The following NELL1 variants were observed in gnomAD, a reference collection of about 807,000 sequenced individuals.
The protein encoded by NELL1 is neural EGFL like 1.
Under a neutral mutation model 107.4 loss-of-function variants are expected in NELL1, and 76 were observed. That is an observed-to-expected ratio of 0.71 (90% confidence interval 0.59 to 0.86). The LOEUF (loss-of-function observed/expected upper bound fraction) is 0.86, where lower values mean the gene tolerates loss of function less well. NELL1 is among the 40% of genes least tolerant of loss of function. The pLI, the probability that NELL1 is intolerant of heterozygous loss-of-function variation, is 0.00. For missense variants in NELL1, 1,024 were observed against 1,005.5 expected, an observed-to-expected ratio of 1.02 and a Z score of -0.25; for synonymous variants, 353 against 341.2, an observed-to-expected ratio of 1.03 and a Z score of -0.38.
At chr11:20,948,914 A>G (rs1189755134) in intron 11 of NELL1, among the ~76,000 whole-genome samples, 1 of 152,162 alleles carries the variant, frequency 6.6e-6, no homozygotes, top group African/African-American at 2.4e-5. Flanking sequence ...AGGTCCCTGC[A>G]GCATAGCAAT....
intron 12 of NELL1, among the ~76,000 whole-genome samples, chr11:21,005,072 A>G (rs1852301043): frequency 6.6e-6 from 1 of 152,182 alleles, no homozygotes; most frequent in Non-Finnish European, 1.5e-5. Flanking sequence ...TGTTTTAGCT[A>G]TAGCCCTGAA....
chr11:21,324,666 G>A (rs1850089236), intron 14 of NELL1, among the ~76,000 whole-genome samples: 1 of 152,000 alleles, frequency 6.6e-6, no homozygotes, highest in South Asian at 2.1e-4. Context: ...CTGCTCTCAA[G>A]CACCTTACCG....
chr11:20,782,312 G>T (rs556174620), intron 2 of NELL1, among the ~76,000 whole-genome samples: 3 of 152,160 alleles, frequency 2.0e-5, no homozygotes, highest in Non-Finnish European at 4.4e-5. Flanking sequence ...CTGGTAGACT[G>T]GTCTGCCTGG....
intron 14 of NELL1, among the ~76,000 whole-genome samples, chr11:21,241,129 G>C (rs953482313): frequency 6.6e-6 from 1 of 152,212 alleles, no homozygotes; most frequent in Non-Finnish European, 1.5e-5. Flanking sequence ...CAAGCAATCA[G>C]AATAAGATTG....
At position 21,100,411 on chromosome 11, in the gene NELL1, C is replaced by T. The variant is rs570845398; in HGVS notation, c.1301-13178C>T. Among the ~76,000 whole-genome samples the T allele has an allele frequency of 6.5e-4, 99 of 152,288 alleles. 1 individual carries two copies. Among genetic ancestry groups the T allele is most frequent in the African/African-American group, 2.3e-3 (96 of 41,564 alleles). ...ATCGCTATTTTCAAAGCTTTTTTAT[C>T]ACTGGATACAGAAACTCTGTGCTCA... On this transcript the variant is annotated intron_variant, in intron 12 of 19. Transcript: ENST00000357134.
At chr11:21,104,331 A>C (rs1017409172) in intron 12 of NELL1, among the ~76,000 whole-genome samples, 1 of 152,216 alleles carries the variant, frequency 6.6e-6, no homozygotes, top group South Asian at 2.1e-4. Context: ...GGTTGGGAAG[A>C]AAGTCATGGG....
intron 12 of NELL1, among the ~76,000 whole-genome samples, chr11:21,051,430 C>T (rs548516259): frequency 6.6e-5 from 10 of 151,778 alleles, no homozygotes; most frequent in Non-Finnish European, 1.5e-4. Context: ...ACATTGGGTA[C>T]GTGTACACTG....
intron 12 of NELL1, among the ~76,000 whole-genome samples, chr11:20,986,855 A>G (rs1851863644): frequency 6.6e-6 from 1 of 152,176 alleles, no homozygotes. Flanking sequence ...TGCAGTTATC[A>G]CCAGGTCGCT....
At chr11:21,414,809 G>C (rs115173310) in intron 15 of NELL1, among the ~76,000 whole-genome samples, 1 of 151,932 alleles carries the variant, frequency 6.6e-6, no homozygotes, top group African/African-American at 2.4e-5. Context: ...AGATAATCCC[G>C]GAATAGTTTC....
rs1284627951 is a variant in NELL1, at chr11:21,534,418, T to G, written c.1690T>G (p.Ser564Ala). Residue 564 changes from serine (S) to alanine (A), a missense_variant, in exon 16 of 20, where the codon TCC (serine) becomes GCC (alanine). Physicochemically the swap from Ser to Ala is moderately conservative, Grantham distance 99. Coordinates refer to ENST00000357134, the MANE Select transcript of NELL1 (RefSeq NM_006157.5). ...SEGIIECHNHSRCVNLPGWYH... is the reference protein window; with the variant it reads ...SEGIIECHNHARCVNLPGWYH... Reference sequence around the variant, plus strand: ...GGGAATCATTGAGTGCCACAACCATTCCCGCTGCGTTAACCTGCCAGGGTG... The same window carrying G: ...GGGAATCATTGAGTGCCACAACCATGCCCGCTGCGTTAACCTGCCAGGGTG... The G allele has an allele frequency of 6.2e-7, 1 of 1,613,736 alleles. No individual in the cohort carries two copies. The highest frequency in any genetic ancestry group is 1.3e-5 in the African/African-American group (1 of 74,896).
chr11:20,727,759 G>A (rs1267745769), intron 2 of NELL1, among the ~76,000 whole-genome samples: 1 of 152,100 alleles, frequency 6.6e-6, no homozygotes, highest in East Asian at 1.9e-4. Flanking sequence ...AATCCATCTT[G>A]AATTAATTTT....
intron 14 of NELL1, among the ~76,000 whole-genome samples, chr11:21,313,306 A>G (rs1452248559): frequency 6.6e-6 from 1 of 152,058 alleles, no homozygotes; most frequent in Non-Finnish European, 1.5e-5. Flanking sequence ...GGCTTTGACT[A>G]TTTTTAGGCA....
intron 15 of NELL1, among the ~76,000 whole-genome samples, chr11:21,429,932 G>A (rs189490230): frequency 7.7e-4 from 117 of 152,164 alleles, no homozygotes; most frequent in African/African-American, 2.8e-3. Context: ...TATGTAAAAT[G>A]GTATAAGAAT....
At chr11:21,372,385 G>C (rs1260634704) in intron 15 of NELL1, among the ~76,000 whole-genome samples, 3 of 151,886 alleles carry the variant, frequency 2.0e-5, no homozygotes, top group Non-Finnish European at 4.4e-5. Context: ...TAATAATGAT[G>C]CCAATAATCA....
At chr11:20,901,502 G>T (rs1053946917) in intron 5 of NELL1, among the ~76,000 whole-genome samples, 4 of 151,598 alleles carry the variant, frequency 2.6e-5, no homozygotes, top group African/African-American at 9.7e-5. Context: ...TAATAAAAAC[G>T]TCTGCTTCTT....
intron 15 of NELL1, among the ~76,000 whole-genome samples, chr11:21,464,961 G>C (rs1013937608): frequency 3.9e-5 from 6 of 152,110 alleles, no homozygotes; most frequent in African/African-American, 1.4e-4. Context: ...TACTTAGAAA[G>C]CTATTTGGTA....
intron 15 of NELL1, among the ~76,000 whole-genome samples, chr11:21,483,990 CATATATATATATATATATATATATAT>C (rs781565679): frequency 1.4e-4 from 12 of 88,400 alleles, no homozygotes; most frequent in Admixed American, 4.9e-4. Flanking sequence ...TTTTACTTAA[CATATATATATATATATATATATATAT>C]ATATATATAT....
chr11:21,072,981 T>C (rs147644718), intron 12 of NELL1, among the ~76,000 whole-genome samples: 1 of 152,254 alleles, frequency 6.6e-6, no homozygotes, highest in Non-Finnish European at 1.5e-5. Context: ...TCTAGCTTGC[T>C]CTTTCTTCCT....
intron 15 of NELL1, among the ~76,000 whole-genome samples, chr11:21,373,013 C>T (rs1029340588): frequency 6.6e-6 from 1 of 151,846 alleles, no homozygotes; most frequent in African/African-American, 2.4e-5. Flanking sequence ...AGCATGGGTC[C>T]CTATGTAAAT....
Sources: gnomAD v4.1 joint callset for allele counts (sites outside exome capture counted in the v4.1 genomes callset) on GRCh38, gnomAD v4.1.1 for gene constraint, MANE v1.5 for transcripts, NCBI Gene and HGNC (gene_info 2026-07-23, HGNC 2026-07-21) for gene names.